The following CYTIP variants were observed in gnomAD, a reference collection of about 807,000 sequenced individuals.
CYTIP encodes cytohesin-interacting protein.
CYTIP carries 26 observed loss-of-function variants against 43.8 expected under a neutral mutation model. That is an observed-to-expected ratio of 0.59 (90% CI 0.44 to 0.82). The LOEUF (loss-of-function observed/expected upper bound fraction) is 0.82. Among genes scored for constraint, CYTIP ranks in the 40% least tolerant of loss-of-function variants. The pLI, the probability that CYTIP is intolerant of heterozygous loss-of-function variation, is 0.00. For synonymous variants in CYTIP, 162 were observed against 162.9 expected (o/e 0.99, Z 0.04); for missense variants, 426 against 443.1 (o/e 0.96, Z 0.35).
At chr2:157,442,307 C>T (rs994363407) in intron 1 of CYTIP, among the ~76,000 whole-genome samples, 1 of 152,088 alleles carries the variant, frequency 6.6e-6, no homozygotes, top group Non-Finnish European at 1.5e-5. Context: ...CTTTTTACCT[C>T]CTACACTTAG....
intron 7 of CYTIP, 114 bp downstream of exon 7, chr2:157,418,409 G>T: frequency 1.0e-6 from 1 of 998,444 alleles, no homozygotes; most frequent in Non-Finnish European, 1.5e-6. Context: ...CCATTTCCTT[G>T]ACCAGCACTA....
At chr2:157,430,482 G>A (rs1255658008) in intron 5 of CYTIP, 77 bp downstream of exon 5, 3 of 1,237,306 alleles carry the variant, frequency 2.4e-6, no homozygotes, top group Admixed American at 3.4e-5. Context: ...TGAACAAAAG[G>A]CCTATTTATT....
chr2:157,441,727 C>CT (rs1321415209), intron 1 of CYTIP, among the ~76,000 whole-genome samples: 1 of 152,176 alleles, frequency 6.6e-6, no homozygotes, highest in Non-Finnish European at 1.5e-5. Context: ...TTCACGCTAT[C>CT]TTCACTCTGG....
At chr2:157,437,624 C>T (rs1457930507) in intron 1 of CYTIP, among the ~76,000 whole-genome samples, 5 of 146,036 alleles carry the variant, frequency 3.4e-5, no homozygotes, top group African/African-American at 1.3e-4. Context: ...CGCTTCAACC[C>T]GGGCGGCGGA....
At chr2:157,429,987 C>T (rs1685683557) in intron 5 of CYTIP, among the ~76,000 whole-genome samples, 1 of 146,550 alleles carries the variant, frequency 6.8e-6, no homozygotes, top group South Asian at 2.1e-4. Context: ...CGCGCCACTG[C>T]ACTCCATCCA....
chr2:157,430,417 T>C, intron 5 of CYTIP, 142 bp downstream of exon 5: 1 of 671,084 alleles, frequency 1.5e-6, no homozygotes, highest in South Asian at 1.8e-5. Context: ...GAACTGATAA[T>C]GTTTGTACCC....
intron 6 of CYTIP, among the ~76,000 whole-genome samples, chr2:157,425,413 CA>C (rs1284621726): frequency 6.6e-6 from 1 of 151,998 alleles, no homozygotes; most frequent in African/African-American, 2.4e-5. Context: ...AGCTATAGAA[CA>C]AAAATCTGTA....
At chr2:157,435,529 T>C (rs1011420610) in intron 1 of CYTIP, among the ~76,000 whole-genome samples, 3 of 152,178 alleles carry the variant, frequency 2.0e-5, no homozygotes, top group Non-Finnish European at 4.4e-5. Context: ...AACATAAGCT[T>C]TCAGGACACA....
At chr2:157,438,739 T>C (rs973792903) in intron 1 of CYTIP, 1 of 159,238 alleles carries the variant, frequency 6.3e-6, no homozygotes, top group Non-Finnish European at 1.4e-5. Flanking sequence ...AAAAAAAAAA[T>C]TCAATCCGAA....
chr2:157,431,601 T>G (rs1022880849), intron 3 of CYTIP, among the ~76,000 whole-genome samples: 1 of 152,166 alleles, frequency 6.6e-6, no homozygotes, highest in Non-Finnish European at 1.5e-5. Context: ...AGTAGTTTGG[T>G]GGTGGTGGGT....
intron 1 of CYTIP, among the ~76,000 whole-genome samples, chr2:157,439,708 C>A (rs1281706014): frequency 1.8e-4 from 27 of 152,182 alleles, no homozygotes; most frequent in South Asian, 2.1e-4. Flanking sequence ...GGCAGGCTTG[C>A]AAACTACACA....
intron 1 of CYTIP, among the ~76,000 whole-genome samples, chr2:157,438,012 C>T (rs1685840551): frequency 6.6e-6 from 1 of 152,202 alleles, no homozygotes. Context: ...ATCCCGCAAT[C>T]CCACTACTGG....
At chr2:157,441,188 G>A (rs1685907011) in intron 1 of CYTIP, among the ~76,000 whole-genome samples, 1 of 152,184 alleles carries the variant, frequency 6.6e-6, no homozygotes, top group African/African-American at 2.4e-5. Flanking sequence ...CCCTGAAAGT[G>A]TTGAAAATAA....
intron 1 of CYTIP, among the ~76,000 whole-genome samples, chr2:157,436,330 A>G (rs1011752039): frequency 6.6e-6 from 1 of 152,206 alleles, no homozygotes; most frequent in Non-Finnish European, 1.5e-5. Context: ...CTTGCAGAAG[A>G]GAGCCACAAA....
chr2:157,434,595 T>G (rs965849424), intron 2 of CYTIP, 103 bp downstream of exon 2: 8 of 705,976 alleles, frequency 1.1e-5, no homozygotes, highest in Non-Finnish European at 1.7e-5. Context: ...TGTGTGTGCG[T>G]AGAGAGAGAG....
chr2:157,433,122 GTT>G (rs907511920), intron 3 of CYTIP, among the ~76,000 whole-genome samples: 42 of 152,284 alleles, frequency 2.8e-4, no homozygotes, highest in African/African-American at 9.9e-4. Flanking sequence ...CGTTTATCCA[GTT>G]TTCAGTAGCC....
Position 157,430,624 on chromosome 2 carries a change from C to A in CYTIP, c.411G>T (p.Val137=). Residue 137 remains valine, a synonymous_variant, in exon 5 of 8, where the codon GTG becomes GTT. Transcript: ENST00000264192. Reference sequence around the variant, plus strand: ...GTTTGTAGGTAAAACCTTCTGTGCTCACACCATTGATATTTGCAAGGACAT... The same window carrying A: ...GTTTGTAGGTAAAACCTTCTGTGCTAACACCATTGATATTTGCAAGGACAT... ...AGDVLANING[V]STEGFTYKQV... 1 of 1,614,150 alleles carries A rather than the reference C, an allele frequency of 6.2e-7. No individual in the cohort carries two copies. The highest frequency in any genetic ancestry group is 1.1e-5 in the South Asian group (1 of 91,070).
At chr2:157,434,847 TCTCACACACACACACA>T (rs1165906017) in intron 1 of CYTIP, 100 bp from the exon 2 acceptor site, 14 of 140,772 alleles carry the variant, frequency 9.9e-5, no homozygotes, top group East Asian at 3.8e-4. Flanking sequence ...TCTCTCTCTC[TCTCACACACACACACA>T]CACACACACA....
intron 6 of CYTIP, among the ~76,000 whole-genome samples, chr2:157,426,315 T>C (rs1053433269): frequency 1.3e-5 from 2 of 152,200 alleles, no homozygotes; most frequent in Non-Finnish European, 2.9e-5. Context: ...ATTTATTTCA[T>C]AAATACAATT....
Sources: gnomAD v4.1 joint callset for allele counts (sites outside exome capture counted in the v4.1 genomes callset) on GRCh38, gnomAD v4.1.1 for gene constraint, MANE v1.5 for transcripts, NCBI Gene and HGNC (gene_info 2026-07-23, HGNC 2026-07-21) for gene names.